The following RBMS3 variants were observed in gnomAD, a reference collection of about 807,000 sequenced individuals.
The protein encoded by RBMS3 is RNA binding motif single stranded interacting protein 3, also known as RNA-binding motif, single-stranded-interacting protein 3.
A neutral mutation model predicts 66.8 loss-of-function variants in RBMS3; 27 were observed. The observed-to-expected ratio is 0.40, with a 90% CI of 0.30 to 0.56. The LOEUF (loss-of-function observed/expected upper bound fraction) is 0.56. Ranked by LOEUF, RBMS3 falls within the 20% of genes least tolerant of loss-of-function variation. The pLI is 0.40. For synonymous variants in RBMS3, 188 were observed against 183.0 expected (o/e 1.03, Z -0.22); for missense variants, 513 against 549.5 (o/e 0.93, Z 0.66).
Position 29,434,597 on chromosome 3 carries a change from CAG to C in RBMS3, c.76-141_76-140del, listed in dbSNP as rs1459763822. 21 of 1,152,458 alleles carry C rather than the reference CAG, an allele frequency of 1.8e-5. No individual in the cohort carries two copies. In the African/African-American group the frequency reaches 2.7e-4, roughly 15 times the overall value. 71.4% of individuals were successfully genotyped at this position (1,152,458 alleles called of 1,614,324 possible). A position where few individuals can be genotyped will look rare whatever the true frequency, so the allele number is the denominator to read the frequency against. On this transcript the variant is annotated intron_variant, in intron 1 of 14. Coordinates refer to ENST00000383767, the MANE Select transcript of RBMS3 (RefSeq NM_001003793.3). Reference sequence around the variant, plus strand: ...CGGGGGACGATATTCTTGAATGCAACAGAGAGTAGTGATATAAATGTGTGTGT... The same window carrying C: ...CGGGGGACGATATTCTTGAATGCAACAGAGTAGTGATATAAATGTGTGTGT...
intron 12 of RBMS3, among the ~76,000 whole-genome samples, chr3:29,982,799 C>A (rs1434522764): frequency 6.6e-6 from 1 of 152,130 alleles, no homozygotes; most frequent in Non-Finnish European, 1.5e-5. Flanking sequence ...GATTTCCATT[C>A]TTTTGCATTT....
chr3:29,475,633 T>C (rs1201035353), intron 2 of RBMS3, among the ~76,000 whole-genome samples: 2 of 152,154 alleles, frequency 1.3e-5, no homozygotes, highest in Admixed American at 6.5e-5. Flanking sequence ...TCATGAAACA[T>C]TTACCGTATA....
chr3:29,943,351 A>C (rs1357591539), intron 11 of RBMS3, among the ~76,000 whole-genome samples: 1 of 151,754 alleles, frequency 6.6e-6, no homozygotes, highest in Non-Finnish European at 1.5e-5. Flanking sequence ...CAAAATTAGA[A>C]TTTTCCATTT....
chr3:29,383,092 C>A (rs1000302077), intron 1 of RBMS3, among the ~76,000 whole-genome samples: 2 of 152,140 alleles, frequency 1.3e-5, no homozygotes, highest in African/African-American at 4.8e-5. Context: ...CACAAGCAGC[C>A]TCTAGGGCAA....
chr3:29,544,873 A>C (rs192626999), intron 3 of RBMS3, among the ~76,000 whole-genome samples: 41 of 152,216 alleles, frequency 2.7e-4, no homozygotes, highest in Non-Finnish European at 2.4e-4. Flanking sequence ...TATTTTGCCA[A>C]CTCCTAACTA....
At chr3:29,874,548 AC>A (rs1407480113) in intron 7 of RBMS3, among the ~76,000 whole-genome samples, 1 of 152,170 alleles carries the variant, frequency 6.6e-6, no homozygotes, top group Admixed American at 6.6e-5. Flanking sequence ...AGTCTTTTTA[AC>A]CTTAAACTGA....
At chr3:29,694,490 C>T (rs555281997) in intron 4 of RBMS3, among the ~76,000 whole-genome samples, 19 of 152,162 alleles carry the variant, frequency 1.2e-4, no homozygotes, top group Non-Finnish European at 2.5e-4. Flanking sequence ...AAAGTTATTA[C>T]TGTAGAACTA....
intron 10 of RBMS3, chr3:29,925,202 G>T (rs1024575973): frequency 6.6e-6 from 1 of 152,044 alleles, no homozygotes; most frequent in Non-Finnish European, 1.5e-5. Context: ...CTTAACAAGC[G>T]GGAATATTTT....
At chr3:29,828,706 G>C (rs2058272805) in intron 6 of RBMS3, among the ~76,000 whole-genome samples, 1 of 152,086 alleles carries the variant, frequency 6.6e-6, no homozygotes, top group Non-Finnish European at 1.5e-5. Context: ...GACTAAGAAA[G>C]GTAACAGATG....
At chr3:29,937,213 C>G (rs1356105405) in intron 11 of RBMS3, among the ~76,000 whole-genome samples, 1 of 151,886 alleles carries the variant, frequency 6.6e-6, no homozygotes, top group East Asian at 1.9e-4. Flanking sequence ...AATTTTTTCT[C>G]TATCTAGTTG....
At chr3:29,668,644 T>A (rs893568727) in intron 4 of RBMS3, among the ~76,000 whole-genome samples, 7 of 152,172 alleles carry the variant, frequency 4.6e-5, no homozygotes, top group Admixed American at 3.3e-4. Context: ...TACAAAATAA[T>A]GCACAAAAGG....
chr3:29,820,022 C>G (rs1260157928), intron 6 of RBMS3, among the ~76,000 whole-genome samples: 2 of 151,726 alleles, frequency 1.3e-5, no homozygotes, highest in African/African-American at 4.8e-5. Context: ...TGGCGATACC[C>G]TGTCTCTACT....
At chr3:29,760,339 T>G (rs1249740630) in intron 5 of RBMS3, among the ~76,000 whole-genome samples, 1 of 151,864 alleles carries the variant, frequency 6.6e-6, no homozygotes, top group Non-Finnish European at 1.5e-5. Flanking sequence ...TCCATGCCAT[T>G]TTAAGACAAA....
intron 12 of RBMS3, among the ~76,000 whole-genome samples, chr3:29,955,924 T>C (rs1008411429): frequency 6.6e-6 from 1 of 152,112 alleles, no homozygotes; most frequent in African/African-American, 2.4e-5. Context: ...TTCTCACTTA[T>C]TTGACACTGC....
chr3:29,994,610 G>T (rs1409557555), intron 14 of RBMS3, among the ~76,000 whole-genome samples: 1 of 152,200 alleles, frequency 6.6e-6, no homozygotes, highest in Admixed American at 6.5e-5. Context: ...CTCCTCAAGT[G>T]GGTCCCTGAC....
intron 6 of RBMS3, among the ~76,000 whole-genome samples, chr3:29,782,137 A>C (rs2056654476): frequency 1.3e-5 from 2 of 152,074 alleles, no homozygotes; most frequent in Non-Finnish European, 2.9e-5. Flanking sequence ...ATACTTAACC[A>C]GGTGTCCCTA....
At chr3:29,374,279 G>A (rs1021391834) in intron 1 of RBMS3, among the ~76,000 whole-genome samples, 2 of 152,204 alleles carry the variant, frequency 1.3e-5, no homozygotes, top group African/African-American at 4.8e-5. Flanking sequence ...CAGTAAAGAT[G>A]TAGAAGTTAC....
At chr3:29,386,796 G>A (rs1289369409) in intron 1 of RBMS3, among the ~76,000 whole-genome samples, 1 of 152,020 alleles carries the variant, frequency 6.6e-6, no homozygotes, top group Non-Finnish European at 1.5e-5. Context: ...CTTTCTTCCT[G>A]TTCTCTCCTA....
rs187749666 is a variant in RBMS3, at chr3:29,533,578, C to T, written c.307+45079C>T. On this transcript the variant is annotated intron_variant, in intron 3 of 14. Coordinates refer to ENST00000383767, the MANE Select transcript of RBMS3 (RefSeq NM_001003793.3). ...GGATCACGAGGTTAGGAGTTCAAGACCAGCCTGGCCAACATGGTGAAACCC... is the reference window on the plus strand; with the variant it reads ...GGATCACGAGGTTAGGAGTTCAAGATCAGCCTGGCCAACATGGTGAAACCC... Among the ~76,000 whole-genome samples, 42 of 152,224 alleles carry T rather than the reference C, an allele frequency of 2.8e-4. 1 individual carries two copies. Among genetic ancestry groups the T allele is most frequent in the Admixed American group, 2.7e-3 (41 of 15,300 alleles).
Sources: allele counts gnomAD v4.1 joint callset (sites outside exome capture counted in the v4.1 genomes callset), GRCh38; gene constraint gnomAD v4.1.1; transcripts MANE v1.5; gene names NCBI Gene and HGNC (gene_info 2026-07-23, HGNC 2026-07-21).